ZWILCH: variants seen among roughly 807,000 people sequenced by gnomAD.
The protein encoded by ZWILCH is zwilch kinetochore protein, also known as protein zwilch homolog.
ZWILCH carries 74 observed loss-of-function variants against 79.9 expected under a neutral mutation model. The ratio of observed to expected loss-of-function variants is 0.93; its 90% CI spans 0.77 to 1.12. The LOEUF (loss-of-function observed/expected upper bound fraction) is 1.12, where lower values mean the gene tolerates loss of function less well. Ranked by LOEUF, ZWILCH falls within the 50% of genes most tolerant of loss-of-function variation. The pLI, the probability that ZWILCH is intolerant of heterozygous loss-of-function variation, is 0.00. For missense variants in ZWILCH, 694 were observed against 687.5 expected, an observed-to-expected ratio of 1.01 and a Z score of -0.11; for synonymous variants, 241 against 228.2, an observed-to-expected ratio of 1.06 and a Z score of -0.51.
Position 66,532,326 on chromosome 15 carries a change from G to T in ZWILCH, c.1235G>T (p.Ser412Ile), listed in dbSNP as rs764121179. Reference protein sequence around the residue: ...YHGTMDTVSLSGTIPVQMLLE... With the variant: ...YHGTMDTVSLIGTIPVQMLLE... The stretch of plus-strand genomic sequence containing the variant: ...GGAACCATGGACACAGTTTCTCTCA[G>T]TGGGACTATTCCAGTTCAAATGCTT... Residue 412 changes from serine to isoleucine, a missense_variant, in exon 13 of 19, where the codon AGT becomes ATT. Transcript: ENST00000307897. 4.4e-5 allele frequency: 71 copies of T among 1,612,908 alleles called. No individual in the cohort carries two copies. The South Asian group carries it at 7.5e-4, about 17-fold the overall frequency.
At chr15:66,509,879 A>T (rs1313397480) in intron 2 of ZWILCH, among the ~76,000 whole-genome samples, 57 of 122,232 alleles carry the variant, frequency 4.7e-4, no homozygotes, top group African/African-American at 1.6e-3. Flanking sequence ...ATCTCTTAAA[A>T]ATCAATGAGG....
At chr15:66,543,171 C>T (rs1895248104) in intron 17 of ZWILCH, among the ~76,000 whole-genome samples, 1 of 152,136 alleles carries the variant, frequency 6.6e-6, no homozygotes, top group Non-Finnish European at 1.5e-5. Flanking sequence ...TGCACTTCAG[C>T]CTGGGTGGCG....
chr15:66,509,852 T>TAC (rs1893982283), intron 2 of ZWILCH, among the ~76,000 whole-genome samples: 1 of 99,368 alleles, frequency 1.0e-5, no homozygotes, highest in African/African-American at 3.4e-5. Flanking sequence ...TATATATATA[T>TAC]ATATATATAT....
intron 14 of ZWILCH, 134 bp from the exon 15 acceptor site, chr15:66,535,799 T>G (rs1894996522): frequency 4.5e-6 from 3 of 674,074 alleles, no homozygotes; most frequent in South Asian, 2.5e-5. Flanking sequence ...TCTATCTAGC[T>G]TCTTCTGGTC....
intron 1 of ZWILCH, 191 bp from the exon 2 acceptor site, chr15:66,508,645 CTCTTT>C: frequency 8.7e-7 from 1 of 1,145,608 alleles, no homozygotes; most frequent in South Asian, 2.4e-5. Flanking sequence ...TTTTTTGGTT[CTCTTT>C]TCTTCTTAAC....
rs1894774087 is a variant in ZWILCH, at chr15:66,528,941, G to A, written c.1059G>A (p.Trp353Ter). 3 of 1,613,704 alleles carry A rather than the reference G, an allele frequency of 1.9e-6. No individual in the cohort carries two copies. The highest frequency in any genetic ancestry group is 2.7e-5 in the African/African-American group (2 of 74,900). ...ATCTTGATTTTGCTGAGCAACTGTGGTGCAAAATGAGCAGTAGTAGGTGTC... is the reference window on the plus strand; with the variant it reads ...ATCTTGATTTTGCTGAGCAACTGTGATGCAAAATGAGCAGTAGTAGGTGTC... Reference protein sequence around the residue: ...RSDLDFAEQLWCKMSSSVISY... With the variant: ...RSDLDFAEQL The change falls in exon 11 of 19, where the codon TGG (tryptophan) becomes TGA (stop). Residue 353 changes from tryptophan (W) to a stop codon, truncating the protein, a stop_gained. Transcript: ENST00000307897. LOFTEE classifies it high-confidence loss of function.
At chr15:66,536,753 T>TA (rs1282308263) in intron 15 of ZWILCH, among the ~76,000 whole-genome samples, 15 of 152,096 alleles carry the variant, frequency 9.9e-5, no homozygotes, top group African/African-American at 3.6e-4. Context: ...TTTTCCCCAT[T>TA]ATAGATCAGT....
At chr15:66,506,335 A>G (rs1256803128) in intron 1 of ZWILCH, among the ~76,000 whole-genome samples, 1 of 152,158 alleles carries the variant, frequency 6.6e-6, no homozygotes, top group Non-Finnish European at 1.5e-5. Context: ...CATTGTTTTT[A>G]GCTGCTATAT....
chr15:66,507,991 A>G (rs1893892881), intron 1 of ZWILCH, among the ~76,000 whole-genome samples: 1 of 152,152 alleles, frequency 6.6e-6, no homozygotes, highest in Non-Finnish European at 1.5e-5. Flanking sequence ...TATACGTAAG[A>G]CATAAACATC....
chr15:66,542,046 T>C (rs2140808850), intron 17 of ZWILCH, among the ~76,000 whole-genome samples: 1 of 152,320 alleles, frequency 6.6e-6, no homozygotes, highest in African/African-American at 2.4e-5. Context: ...TTGTGCTGTT[T>C]TTTTCTAAGT....
At chr15:66,508,709 G>T in intron 1 of ZWILCH, 132 bp from the exon 2 acceptor site, 2 of 1,438,050 alleles carry the variant, frequency 1.4e-6, no homozygotes, top group Non-Finnish European at 1.8e-6. Context: ...TACATCTTAG[G>T]GCTGCTGTAA....
rs755514803 is a variant in ZWILCH, at chr15:66,515,551, A to G, written c.227A>G (p.His76Arg). The part of the protein sequence containing the change: ...KVPLEKEETS[H>R]IEELQSEETA... Reference sequence around the variant, plus strand: ...CCTTTAGAAAAGGAAGAAACAAGTCATATTGAAGAACTTCAATCTGAAGAA... The same window carrying G: ...CCTTTAGAAAAGGAAGAAACAAGTCGTATTGAAGAACTTCAATCTGAAGAA... The change falls in exon 4 of 19, where the codon CAT becomes CGT. Residue 76 changes from histidine to arginine, a missense_variant. By Grantham distance (29) the His-to-Arg change is conservative. Transcript: ENST00000307897. 1.9e-6 allele frequency: 3 copies of G among 1,610,524 alleles called. No homozygotes were observed. Among genetic ancestry groups the G allele is most frequent in the Non-Finnish European group, 2.5e-6 (3 of 1,178,640 alleles).
intron 2 of ZWILCH, among the ~76,000 whole-genome samples, chr15:66,509,688 G>C (rs76777547): frequency 0.013 from 1,794 of 143,400 alleles, 64 homozygotes; most frequent in East Asian, 0.078. Flanking sequence ...CTCCATACTT[G>C]GGGAGATAAA....
intron 5 of ZWILCH, 53 bp downstream of exon 5, chr15:66,519,131 ATTG>A: frequency 6.4e-7 from 1 of 1,558,276 alleles, no homozygotes; most frequent in Admixed American, 1.7e-5. Flanking sequence ...TTGTATAGTT[ATTG>A]TTTCATGTTT....
At chr15:66,507,292 ACTT>A (rs1429601151) in intron 1 of ZWILCH, among the ~76,000 whole-genome samples, 3 of 152,060 alleles carry the variant, frequency 2.0e-5, no homozygotes, top group African/African-American at 7.2e-5. Context: ...TGGACATTCT[ACTT>A]CTGAATTCTG....
At chr15:66,540,835 G>C (rs1232478342) in intron 17 of ZWILCH, among the ~76,000 whole-genome samples, 7 of 150,526 alleles carry the variant, frequency 4.7e-5, no homozygotes, top group Non-Finnish European at 8.9e-5. Context: ...TACCATGTTG[G>C]CCAGGCTGGT....
At chr15:66,540,414 A>G (rs1257771771) in intron 17 of ZWILCH, among the ~76,000 whole-genome samples, 2 of 151,888 alleles carry the variant, frequency 1.3e-5, no homozygotes, top group Admixed American at 6.6e-5. Context: ...TTAGCCGGGC[A>G]TGGTTGCATG....
intron 14 of ZWILCH, among the ~76,000 whole-genome samples, chr15:66,534,061 G>A (rs1429670717): frequency 2.0e-5 from 3 of 152,088 alleles, no homozygotes; most frequent in African/African-American, 7.2e-5. Flanking sequence ...AGCTGTGATC[G>A]TGGGCTACTT....
intron 17 of ZWILCH, among the ~76,000 whole-genome samples, chr15:66,543,788 C>G (rs1462499871): frequency 2.6e-5 from 4 of 151,672 alleles, no homozygotes; most frequent in Non-Finnish European, 5.9e-5. Flanking sequence ...GTTGCTCATG[C>G]CAAGTAAATC....
Sources: gnomAD v4.1 joint callset for allele counts (sites outside exome capture counted in the v4.1 genomes callset) on GRCh38, gnomAD v4.1.1 for gene constraint, MANE v1.5 for transcripts, NCBI Gene and HGNC (gene_info 2026-07-23, HGNC 2026-07-21) for gene names.